The following WDR7 variants were observed in gnomAD, a reference collection of about 807,000 sequenced individuals.
The protein encoded by WDR7 is WD repeat-containing protein 7.
Under a neutral mutation model 169.4 loss-of-function variants are expected in WDR7, and 46 were observed. The observed-to-expected ratio is 0.27, with a 90% confidence interval of 0.21 to 0.35. The LOEUF (loss-of-function observed/expected upper bound fraction) is 0.35. Ranked by LOEUF, WDR7 falls within the 10% of genes least tolerant of loss-of-function variation. WDR7 has a pLI of 1.00. For missense variants in WDR7, 1,534 were observed against 1,859.3 expected (o/e 0.83, Z 3.22); for synonymous variants, 612 against 666.8 (o/e 0.92, Z 1.27).
intron 22 of WDR7, among the ~76,000 whole-genome samples, chr18:56,925,662 A>G (rs559347515): frequency 6.4e-4 from 97 of 152,126 alleles, no homozygotes; most frequent in Non-Finnish European, 1.2e-3. Flanking sequence ...TGACTGCTCT[A>G]TGCTCAGGAA....
intron 20 of WDR7, among the ~76,000 whole-genome samples, chr18:56,826,846 T>G (rs549553048): frequency 6.6e-6 from 1 of 152,228 alleles, no homozygotes; most frequent in South Asian, 2.1e-4. Flanking sequence ...ATATTCAGTT[T>G]TATTCAATAA....
intron 13 of WDR7, among the ~76,000 whole-genome samples, chr18:56,726,562 T>TG: frequency 6.6e-6 from 1 of 152,290 alleles, no homozygotes; most frequent in East Asian, 1.9e-4. Context: ...GCTGAGACAA[T>TG]GGGGTTTTCT....
At position 56,779,441 on chromosome 18, in the gene WDR7, G is replaced by A. The variant is rs1466990666; in HGVS notation, c.2958G>A (p.Gln986=). The A allele has an allele frequency of 2.5e-6, 4 of 1,605,086 alleles. No individual in the cohort carries two copies. In the African/African-American group the frequency reaches 4.0e-5, roughly 16 times the overall value. ...TCFLVNEGWS[Q]LAAMHCVMLP... is the part of the protein sequence containing the mutation. ...TTACATTTTTGACAGGTTGGAGTCA[G>A]TTAGCTGCTATGCACTGTGTTATGC... The change falls in exon 18 of 28, where the codon CAG becomes CAA. Residue 986 remains glutamine, a synonymous_variant. Transcript: ENST00000254442.
chr18:57,030,625 G>A (rs2048435895), downstream of WDR7: 1 of 152,162 alleles, frequency 6.6e-6, no homozygotes, highest in Non-Finnish European at 1.5e-5. Context: ...ACAGAGCCCA[G>A]TGTTGAAGAA....
intron 20 of WDR7, among the ~76,000 whole-genome samples, chr18:56,847,040 A>G (rs917831415): frequency 2.0e-5 from 3 of 152,230 alleles, no homozygotes; most frequent in Non-Finnish European, 4.4e-5. Flanking sequence ...AGGGCTCAGA[A>G]GAAGACAGAA....
chr18:56,812,876 G>A (rs2044896258), intron 19 of WDR7, among the ~76,000 whole-genome samples: 1 of 151,968 alleles, frequency 6.6e-6, no homozygotes, highest in Non-Finnish European at 1.5e-5. Flanking sequence ...CAGTCTCCCA[G>A]GAAACACCGT....
At chr18:56,678,885 G>C (rs561675747) in intron 2 of WDR7, among the ~76,000 whole-genome samples, 74 of 152,304 alleles carry the variant, frequency 4.9e-4, no homozygotes, top group African/African-American at 1.6e-3. Flanking sequence ...GGCAGAGACT[G>C]TTGTTCTCTG....
At chr18:56,660,482 A>T (rs765068748) in intron 1 of WDR7, among the ~76,000 whole-genome samples, 4 of 152,086 alleles carry the variant, frequency 2.6e-5, no homozygotes, top group Non-Finnish European at 5.9e-5. Flanking sequence ...AATATCCCCA[A>T]ATTTGAAAAA....
At chr18:56,847,846 G>T (rs972653841) in intron 20 of WDR7, among the ~76,000 whole-genome samples, 1 of 152,238 alleles carries the variant, frequency 6.6e-6, no homozygotes, top group African/African-American at 2.4e-5. Context: ...GAGTCAAGGA[G>T]ACTTGAAAGA....
chr18:57,017,477 C>CTG (rs57440164), intron 26 of WDR7, among the ~76,000 whole-genome samples: 20,861 of 134,316 alleles, frequency 0.16, 1,894 homozygotes, highest in East Asian at 0.35. Context: ...CCAAGTCATG[C>CTG]TGTGTGTGTG....
chr18:56,970,222 A>AT (rs923492454), intron 26 of WDR7, among the ~76,000 whole-genome samples: 3 of 145,760 alleles, frequency 2.1e-5, no homozygotes, highest in African/African-American at 7.7e-5. Flanking sequence ...CTTTCTTAGG[A>AT]TTTTTTTTGG....
chr18:57,023,166 G>A (rs1455253286), intron 27 of WDR7, among the ~76,000 whole-genome samples: 1 of 152,188 alleles, frequency 6.6e-6, no homozygotes, highest in African/African-American at 2.4e-5. Flanking sequence ...ATCTCTTCCA[G>A]AATTGTAGTT....
At chr18:56,709,066 C>T (rs2026026265) in intron 12 of WDR7, among the ~76,000 whole-genome samples, 1 of 152,068 alleles carries the variant, frequency 6.6e-6, no homozygotes, top group Non-Finnish European at 1.5e-5. Context: ...ATTTTAAAGG[C>T]ATGAAGTGAA....
intron 20 of WDR7, among the ~76,000 whole-genome samples, chr18:56,874,126 A>T (rs1278092632): frequency 6.6e-6 from 1 of 152,222 alleles, no homozygotes; most frequent in Non-Finnish European, 1.5e-5. Flanking sequence ...ATGCTGTGCC[A>T]CAGAGCTTTT....
intron 27 of WDR7, among the ~76,000 whole-genome samples, chr18:57,021,375 G>A (rs548890867): frequency 3.9e-5 from 6 of 152,266 alleles, no homozygotes; most frequent in African/African-American, 1.4e-4. Flanking sequence ...CTTCACACTT[G>A]GTCCCTGGGT....
intron 13 of WDR7, among the ~76,000 whole-genome samples, chr18:56,719,048 C>A (rs2144745299): frequency 6.6e-6 from 1 of 152,324 alleles, no homozygotes; most frequent in African/African-American, 2.4e-5. Context: ...GCAATCTTGA[C>A]AAGAGGAAGC....
intron 21 of WDR7, among the ~76,000 whole-genome samples, chr18:56,882,925 A>G (rs2046130124): frequency 6.6e-6 from 1 of 152,208 alleles, no homozygotes; most frequent in Non-Finnish European, 1.5e-5. Flanking sequence ...AAATATCTGT[A>G]TATAAATGTA....
chr18:56,740,570 C>G (rs2043604942), intron 14 of WDR7, among the ~76,000 whole-genome samples: 1 of 152,208 alleles, frequency 6.6e-6, no homozygotes, highest in Non-Finnish European at 1.5e-5. Context: ...GGCTGACCAA[C>G]TTAATATAAT....
At chr18:56,800,178 C>T (rs1307553337) in intron 19 of WDR7, among the ~76,000 whole-genome samples, 4 of 152,112 alleles carry the variant, frequency 2.6e-5, no homozygotes, top group African/African-American at 9.7e-5. Context: ...AAAGCTCTGC[C>T]AGAGGCAATG....
Sources: allele counts gnomAD v4.1 joint callset (sites outside exome capture counted in the v4.1 genomes callset), GRCh38; gene constraint gnomAD v4.1.1; transcripts MANE v1.5; gene names NCBI Gene and HGNC (gene_info 2026-07-23, HGNC 2026-07-21).